ROBO2: variants seen among roughly 807,000 people sequenced by gnomAD.
ROBO2 encodes the protein roundabout homolog 2.
In ROBO2, 53 loss-of-function variants were observed where a neutral mutation model predicts 160.8. The observed-to-expected ratio is 0.33, with a 90% CI of 0.26 to 0.41. The LOEUF (loss-of-function observed/expected upper bound fraction) is 0.41, where lower values mean the gene tolerates loss of function less well. Ranked by LOEUF, ROBO2 falls within the 10% of genes least tolerant of loss-of-function variation. ROBO2 has a pLI of 1.00. For synonymous variants in ROBO2, 664 were observed against 611.7 expected, an observed-to-expected ratio of 1.09 and a Z score of -1.26; for missense variants, 1,577 against 1,722.4, an observed-to-expected ratio of 0.92 and a Z score of 1.49.
chr3:77,450,490 A>G (rs1419543512), intron 2 of ROBO2, among the ~76,000 whole-genome samples: 1 of 152,102 alleles, frequency 6.6e-6, no homozygotes, highest in Non-Finnish European at 1.5e-5. Context: ...TGAGTTTTAC[A>G]GATTATTGGC....
chr3:76,124,207 T>C (rs961646475), intron 2 of ROBO2, among the ~76,000 whole-genome samples: 3 of 152,142 alleles, frequency 2.0e-5, no homozygotes, highest in African/African-American at 7.2e-5. Context: ...CCAATTAATA[T>C]TGTTCAGGTT....
At chr3:76,080,335 T>A (rs1159716386) in intron 2 of ROBO2, among the ~76,000 whole-genome samples, 1 of 152,248 alleles carries the variant, frequency 6.6e-6, no homozygotes, top group African/African-American at 2.4e-5. Context: ...AAGACATTTA[T>A]AATTCAGTCC....
chr3:77,632,809 C>T (rs571968351), intron 23 of ROBO2: 4 of 552,498 alleles, frequency 7.2e-6, no homozygotes, highest in Non-Finnish European at 8.8e-6. Context: ...TACCCAAACT[C>T]TCTTCTGATG....
intron 2 of ROBO2, among the ~76,000 whole-genome samples, chr3:77,467,700 C>A (rs75101551): frequency 0.037 from 5,599 of 151,548 alleles, 357 homozygotes; most frequent in African/African-American, 0.13. Flanking sequence ...AGTATTATAA[C>A]CTTAAAACAA....
intron 2 of ROBO2, among the ~76,000 whole-genome samples, chr3:76,660,761 A>G (rs1016049486): frequency 2.6e-5 from 4 of 152,140 alleles, no homozygotes; most frequent in African/African-American, 9.7e-5. Flanking sequence ...TTTATGAGCT[A>G]ATGATTTGGT....
intron 2 of ROBO2, among the ~76,000 whole-genome samples, chr3:76,133,879 T>G (rs1013511612): frequency 3.3e-5 from 5 of 151,732 alleles, no homozygotes; most frequent in African/African-American, 1.2e-4. Context: ...AGTGTTAATC[T>G]CCTTTGACAA....
intron 2 of ROBO2, among the ~76,000 whole-genome samples, chr3:77,010,452 A>G (rs1010697420): frequency 2.0e-5 from 3 of 152,198 alleles, no homozygotes; most frequent in Non-Finnish European, 2.9e-5. Context: ...CGTTTATAAT[A>G]AAAGCCACCT....
chr3:77,460,340 C>T (rs1017016125), intron 2 of ROBO2, among the ~76,000 whole-genome samples: 1 of 152,022 alleles, frequency 6.6e-6, no homozygotes, highest in African/African-American at 2.4e-5. Context: ...CCATGAATTC[C>T]ATTTTGGTAA....
chr3:76,478,019 TTTATTATTA>T (rs147308707), intron 2 of ROBO2, among the ~76,000 whole-genome samples: 1 of 148,918 alleles, frequency 6.7e-6, no homozygotes, highest in Non-Finnish European at 1.5e-5. Context: ...CCGCTACTTC[TTTATTATTA>T]TTATTATTAT....
intron 2 of ROBO2, among the ~76,000 whole-genome samples, chr3:76,546,445 T>G (rs1015540107): frequency 6.6e-6 from 1 of 151,798 alleles, no homozygotes; most frequent in East Asian, 1.9e-4. Context: ...AAAGAGAAAT[T>G]AAGATTATAA....
At position 76,633,516 on chromosome 3, in the gene ROBO2, A is replaced by G. The variant is rs532686344; in HGVS notation, c.110-464498A>G. Among the ~76,000 whole-genome samples, 14 of 152,318 alleles carry G rather than the reference A, an allele frequency of 9.2e-5. No individual in the cohort carries two copies. In the South Asian group the frequency reaches 2.9e-3, roughly 32 times the overall value. On this transcript the variant is annotated intron_variant, in intron 2 of 26. Transcript: ENST00000487694. ...CAAAAAGAAAAAGACACGAAGGAGAAAGAAGATGAGAAAGGTAAGCTCTCC... is the reference window on the plus strand; with the variant it reads ...CAAAAAGAAAAAGACACGAAGGAGAGAGAAGATGAGAAAGGTAAGCTCTCC...
chr3:77,602,310 C>T (rs1478316921), exon 20 of ROBO2: 5 of 1,614,160 alleles, frequency 3.1e-6, no homozygotes, highest in Non-Finnish European at 4.2e-6. Context: ...AAACCAGTTA[C>T]AACAGTTCCA....
At chr3:77,475,789 C>G (rs1274719564) in intron 2 of ROBO2, among the ~76,000 whole-genome samples, 1 of 152,210 alleles carries the variant, frequency 6.6e-6, no homozygotes, top group Admixed American at 6.5e-5. Flanking sequence ...CCCTTCTCAT[C>G]AGTTGCATGA....
rs144924265 is a variant in ROBO2, at chr3:76,069,317, A to G, written c.109+131715A>G. ...TCTTCGATTATTTAAACCAAACTCT[A>G]TGAAGTTATCCTTACCTGTTATTTC... On this transcript the variant is annotated intron_variant, in intron 2 of 26. Transcript: ENST00000487694. Among the ~76,000 whole-genome samples the G allele has an allele frequency of 1.6e-3, 244 of 150,864 alleles. 1 individual carries two copies. Among genetic ancestry groups the G allele is most frequent in the Non-Finnish European group, 2.9e-3 (197 of 67,698 alleles).
intron 2 of ROBO2, among the ~76,000 whole-genome samples, chr3:77,439,352 AG>A (rs894131740): frequency 2.6e-4 from 40 of 152,204 alleles, no homozygotes; most frequent in African/African-American, 9.6e-4. Context: ...ATATTTAAAA[AG>A]GAGGACTATG....
chr3:75,986,362 A>G (rs2065415058), intron 2 of ROBO2, among the ~76,000 whole-genome samples: 1 of 151,534 alleles, frequency 6.6e-6, no homozygotes. Flanking sequence ...GTCTTTGGAG[A>G]AAAGTTCTTT....
At chr3:76,688,479 C>T (rs918764949) in intron 2 of ROBO2, among the ~76,000 whole-genome samples, 4 of 150,980 alleles carry the variant, frequency 2.6e-5, no homozygotes, top group South Asian at 2.1e-4. Flanking sequence ...ATTTCCTCAC[C>T]GAGAAAATTT....
intron 5 of ROBO2, among the ~76,000 whole-genome samples, chr3:77,511,435 G>A (rs1170905554): frequency 1.3e-5 from 2 of 151,958 alleles, no homozygotes; most frequent in South Asian, 2.1e-4. Flanking sequence ...CCTTGGCATC[G>A]GTTCAAGTCC....
At chr3:76,189,394 T>C (rs1270023332) in intron 2 of ROBO2, among the ~76,000 whole-genome samples, 1 of 152,090 alleles carries the variant, frequency 6.6e-6, no homozygotes, top group Non-Finnish European at 1.5e-5. Context: ...AGTTTCTTCC[T>C]CAAGAATAAA....
Sources: gnomAD v4.1 joint callset for allele counts (sites outside exome capture counted in the v4.1 genomes callset) on GRCh38, gnomAD v4.1.1 for gene constraint, MANE v1.5 for transcripts, NCBI Gene and HGNC (gene_info 2026-07-23, HGNC 2026-07-21) for gene names.